VOPP1: variants seen among roughly 807,000 people sequenced by gnomAD.
The protein encoded by VOPP1 is VOPP1 WW domain binding protein, also known as WW domain binding protein VOPP1.
A neutral mutation model predicts 23.5 loss-of-function variants in VOPP1; 8 were observed. That is an observed-to-expected ratio of 0.34 (90% CI 0.20 to 0.61). The LOEUF (loss-of-function observed/expected upper bound fraction) is 0.61, where lower values mean the gene tolerates loss of function less well. Among genes scored for constraint, VOPP1 ranks in the 20% least tolerant of loss-of-function variants. The pLI is 0.78. For missense variants in VOPP1, 174 were observed against 238.1 expected (o/e 0.73, Z 1.77); for synonymous variants, 83 against 97.3 (o/e 0.85, Z 0.86).
At chr7:55,503,440 C>T (rs1021281556) in intron 2 of VOPP1, among the ~76,000 whole-genome samples, 14 of 151,922 alleles carry the variant, frequency 9.2e-5, no homozygotes, top group Admixed American at 3.9e-4. Flanking sequence ...ATAAATCTCA[C>T]GAGAAGGAAA....
chr7:55,537,790 A>G (rs1232813532), intron 1 of VOPP1: 1 of 1,154,284 alleles, frequency 8.7e-7, no homozygotes, highest in African/African-American at 1.6e-5. Context: ...AGGAACATGC[A>G]CTTCCCACAG....
Position 55,555,022 on chromosome 7 carries a change from G to A in VOPP1, c.54+17249C>T, listed in dbSNP as rs770047430. Among the ~76,000 whole-genome samples the A allele has an allele frequency of 2.0e-5, 3 of 152,198 alleles. No homozygotes were observed. In the East Asian group the frequency reaches 5.8e-4, roughly 29 times the overall value. On this transcript the variant is annotated intron_variant, in intron 1 of 4. Transcript: ENST00000285279. ...CCCGAAGGAGAAAATCAGGTGAAAG[G>A]TGCTGTTTACAAATTAAACCACTAC...
chr7:55,508,600 G>T (rs1794878657), intron 2 of VOPP1, among the ~76,000 whole-genome samples: 1 of 152,170 alleles, frequency 6.6e-6, no homozygotes, highest in Non-Finnish European at 1.5e-5. Context: ...TGTTTCTGGG[G>T]TAGAGGTTTT....
intron 1 of VOPP1, among the ~76,000 whole-genome samples, chr7:55,529,004 A>G (rs1451713799): frequency 6.6e-6 from 1 of 152,216 alleles, no homozygotes. Flanking sequence ...GGATGGTGTG[A>G]TTTCTTTTTA....
rs77477139 is a variant in VOPP1 at position 55,508,059 on chromosome 7, T to C, written c.114-10369A>G. Among the ~76,000 whole-genome samples, 1,135 of 152,336 alleles carry C rather than the reference T, an allele frequency of 7.5e-3. 17 individuals are homozygous for C. The highest frequency in any genetic ancestry group is 0.026 in the African/African-American group (1,085 of 41,564). ...CCTAGGGAAATTTTACTTGTATTTCTACCATGGGAGAAAGCATTACAAATA... is the reference window on the plus strand; with the variant it reads ...CCTAGGGAAATTTTACTTGTATTTCCACCATGGGAGAAAGCATTACAAATA... On this transcript the variant is annotated intron_variant, in intron 2 of 4. Coordinates refer to ENST00000285279, the MANE Select transcript of VOPP1 (RefSeq NM_030796.5).
Position 55,544,411 on chromosome 7 carries a change from A to T in VOPP1, c.55-23281T>A, listed in dbSNP as rs576295319. 1.1e-4 allele frequency among the ~76,000 whole-genome samples: 16 copies of T among 152,362 alleles called. No individual in the cohort carries two copies. In the East Asian group the frequency reaches 2.9e-3, roughly 28 times the overall value. On this transcript the variant is annotated intron_variant, in intron 1 of 4. Transcript: ENST00000285279. ...GGGGGAAGGAGATGGCCCCACACTT[A>T]GCTCCAGGCTCCTGAGGGCCAAGGC...
At chr7:55,486,955 T>C (rs1046561752) in intron 4 of VOPP1, among the ~76,000 whole-genome samples, 1 of 152,106 alleles carries the variant, frequency 6.6e-6, no homozygotes, top group Non-Finnish European at 1.5e-5. Flanking sequence ...AGAATGGAAA[T>C]GCTGGAGCCC....
intron 4 of VOPP1, among the ~76,000 whole-genome samples, chr7:55,456,755 C>T (rs1346338378): frequency 3.9e-5 from 6 of 152,024 alleles, no homozygotes; most frequent in Middle Eastern, 3.2e-3. Context: ...ACAATGAAAA[C>T]ACATGGACAC....
At chr7:55,513,129 C>T (rs1411106158) in intron 2 of VOPP1, among the ~76,000 whole-genome samples, 6 of 152,212 alleles carry the variant, frequency 3.9e-5, no homozygotes, top group African/African-American at 1.4e-4. Context: ...TGAAAGCAGC[C>T]TGGTCAAAAT....
Position 55,455,775 on chromosome 7 carries a change from T to A in VOPP1, n.418-19601A>T, listed in dbSNP as rs72497893. On this transcript the variant is annotated intron_variant and non_coding_transcript_variant, in intron 4 of 4. Coordinates refer to the VOPP1 transcript ENST00000462326. ...ATGCAGAAAGCTGAAACTGGGTCCT[T>A]TCCTTACACCTTATACAAAAATTAA... 8.1e-4 allele frequency among the ~76,000 whole-genome samples: 123 copies of A among 152,344 alleles called. No homozygotes were observed. In the East Asian group the frequency reaches 0.02, roughly 25 times the overall value.
intron 4 of VOPP1, among the ~76,000 whole-genome samples, chr7:55,478,494 A>T (rs1370676084): frequency 6.6e-6 from 1 of 152,242 alleles, no homozygotes; most frequent in Non-Finnish European, 1.5e-5. Flanking sequence ...AAGATTAAGA[A>T]ATAAAACAAA....
At chr7:55,453,665 T>C (rs1791296896) in intron 4 of VOPP1, among the ~76,000 whole-genome samples, 1 of 152,182 alleles carries the variant, frequency 6.6e-6, no homozygotes, top group Non-Finnish European at 1.5e-5. Context: ...ATATCACTGA[T>C]CACAGATCAC....
intron 4 of VOPP1, among the ~76,000 whole-genome samples, chr7:55,452,710 T>G (rs1791274705): frequency 6.6e-6 from 1 of 152,214 alleles, no homozygotes. Flanking sequence ...CTTTTGTCAA[T>G]AAGCAATAAT....
intron 2 of VOPP1, chr7:55,515,814 C>A (rs1012634454): frequency 5.7e-5 from 12 of 211,412 alleles, no homozygotes; most frequent in Non-Finnish European, 8.2e-5. Context: ...CGCATGTGGA[C>A]CTGCGTCTAG....
At chr7:55,507,174 G>A (rs1257281861) in intron 2 of VOPP1, among the ~76,000 whole-genome samples, 1 of 152,194 alleles carries the variant, frequency 6.6e-6, no homozygotes, top group Non-Finnish European at 1.5e-5. Flanking sequence ...TGTGAGGAGT[G>A]CTGTGGAAAG....
intron 1 of VOPP1, among the ~76,000 whole-genome samples, chr7:55,545,035 T>TG (rs1239916604): frequency 6.6e-6 from 1 of 152,158 alleles, no homozygotes; most frequent in African/African-American, 2.4e-5. Context: ...AGAAGGTATG[T>TG]GTATTATTTT....
chr7:55,538,649 G>C (rs139766541), intron 1 of VOPP1: 20,698 of 1,535,626 alleles, frequency 0.013, 172 homozygotes, highest in Middle Eastern at 0.023. Flanking sequence ...CAAGAGTTTC[G>C]CTGAGCATTG....
chr7:55,469,042 A>T (rs1186927994), downstream of VOPP1, among the ~76,000 whole-genome samples: 1 of 152,226 alleles, frequency 6.6e-6, no homozygotes, highest in Non-Finnish European at 1.5e-5. Flanking sequence ...TAGTATAAAT[A>T]GTTGTAGAAT....
At chr7:55,548,745 G>A (rs1296599457) in intron 1 of VOPP1, among the ~76,000 whole-genome samples, 1 of 152,162 alleles carries the variant, frequency 6.6e-6, no homozygotes, top group Non-Finnish European at 1.5e-5. Context: ...CTTGGCCCAG[G>A]ACTACATTCA....
Sources: gnomAD v4.1 joint callset for allele counts (sites outside exome capture counted in the v4.1 genomes callset) on GRCh38, gnomAD v4.1.1 for gene constraint, MANE v1.5 for transcripts, NCBI Gene and HGNC (gene_info 2026-07-23, HGNC 2026-07-21) for gene names.